RLBP1: variants seen among roughly 807,000 people sequenced by gnomAD.
RLBP1 encodes retinaldehyde binding protein 1.
Under a neutral mutation model 36.2 loss-of-function variants are expected in RLBP1, and 26 were observed. That is an observed-to-expected ratio of 0.72 (90% confidence interval 0.53 to 1.00). RLBP1 has a LOEUF of 1.00. Ranked by LOEUF, RLBP1 falls within the 50% of genes least tolerant of loss-of-function variation. RLBP1 has a pLI of 0.00. For missense variants in RLBP1, 410 were observed against 402.4 expected (o/e 1.02, Z -0.16); for synonymous variants, 155 against 156.2 (o/e 0.99, Z 0.06).
rs1276974393 is a variant in RLBP1 at position 89,212,534 on chromosome 15, G to A, written c.526-633C>T. Reference sequence around the variant, plus strand: ...TGAGAGGCAGAGGTTGCAGTGAGCCGAGATCACGCCACTGCTCTCCAACCT... The same window carrying A: ...TGAGAGGCAGAGGTTGCAGTGAGCCAAGATCACGCCACTGCTCTCCAACCT... On this transcript the variant is annotated intron_variant, in intron 6 of 8. Coordinates refer to ENST00000268125, the MANE Select transcript of RLBP1 (RefSeq NM_000326.5). Among the ~76,000 whole-genome samples, 8 of 147,856 alleles carry A rather than the reference G, an allele frequency of 5.4e-5. No homozygotes were observed. In the East Asian group the frequency reaches 6.1e-4, roughly 11 times the overall value.
At position 89,210,611 on chromosome 15, in the gene RLBP1, C is replaced by T; in HGVS notation, c.795+88G>A. 2.4e-6 allele frequency: 3 copies of T among 1,258,382 alleles called. No individual in the cohort carries two copies. Among genetic ancestry groups the T allele is most frequent in the Non-Finnish European group, 2.3e-6 (2 of 877,236 alleles). 78.0% of individuals were successfully genotyped at this position (1,258,382 alleles called of 1,614,324 possible). A position where few individuals can be genotyped will look rare whatever the true frequency, so the allele number is the denominator to read the frequency against. On this transcript the variant is annotated intron_variant, in intron 8 of 8. Transcript: ENST00000268125. This position sits in a 1 kb window ranked among gnomAD's most constrained non-coding sequence, Gnocchi z 4.7. ...GGGTGTCAGTGGGATCCACATAGCT[C>T]AGGACCATGGTAGAGTGTGAGGAGG...
rs1240713224 is a variant in RLBP1, at chr15:89,210,534, C to T, written c.796-91G>A. ...GGAAAGGGGCAGGAGGACAAAGCCCCATCATGTGCAGTCTTTGCCTGGCGA... is the reference window on the plus strand; with the variant it reads ...GGAAAGGGGCAGGAGGACAAAGCCCTATCATGTGCAGTCTTTGCCTGGCGA... On this transcript the variant is annotated intron_variant, in intron 8 of 8. Coordinates refer to ENST00000268125, the MANE Select transcript of RLBP1 (RefSeq NM_000326.5). The surrounding 1 kb of genome is among the most constrained non-coding windows in gnomAD (Gnocchi z 4.7). 10 of 1,462,712 alleles carry T rather than the reference C, an allele frequency of 6.8e-6. No homozygotes were observed. In the Admixed American group the frequency reaches 1.8e-4, roughly 26 times the overall value. 90.6% of individuals were successfully genotyped at this position (1,462,712 alleles called of 1,614,324 possible). A position where few individuals can be genotyped will look rare whatever the true frequency, so the allele number is the denominator to read the frequency against.
At position 89,212,621 on chromosome 15, in the gene RLBP1, T is replaced by TGC. The variant is rs761635267; in HGVS notation, c.526-722_526-721dup. Among the ~76,000 whole-genome samples the TGC allele has an allele frequency of 4.0e-3, 428 of 106,640 alleles. 4 individuals carry two copies. The East Asian group carries it at 0.052, about 13-fold the overall frequency. 70.0% of individuals were successfully genotyped at this position (106,640 alleles called of 152,430 possible). A position where few individuals can be genotyped will look rare whatever the true frequency, so the allele number is the denominator to read the frequency against. The stretch of plus-strand genomic sequence containing the variant: ...AAAAAAAGAAAAATGTGTGTGTGTG[T>TGC]GCGCGTGTGTGTGTGTGTGTATGTG... On this transcript the variant is annotated intron_variant, in intron 6 of 8. Transcript: ENST00000268125.
In RLBP1 at chr15:89,210,219, T is replaced by G; in HGVS notation, c.*66A>C. On this transcript the variant is annotated 3_prime_UTR_variant, in exon 9 of 9. Transcript: ENST00000268125. The surrounding 1 kb of genome is among the most constrained non-coding windows in gnomAD (Gnocchi z 4.7). ...ATCTCAAGCAGCCCTTTCCTAGCCT[T>G]GGGTCCAGGACAGTTGAGGAGAGGC... 1.3e-6 allele frequency: 2 copies of G among 1,580,252 alleles called. No homozygotes were observed. Among genetic ancestry groups the G allele is most frequent in the African/African-American group, 1.3e-5 (1 of 74,332 alleles).
chr15:89,213,709 G>C (rs28562344), intron 6 of RLBP1, among the ~76,000 whole-genome samples: 9,563 of 152,232 alleles, frequency 0.063, 1,009 homozygotes, highest in African/African-American at 0.22. Flanking sequence ...TCAAAAGTAG[G>C]CTTGAAGAAA....
Position 89,210,897 on chromosome 15 carries a change from T to A in RLBP1, c.685-88A>T. ...TTCCCTGCTGCCTCTCCTCATGGCA[T>A]AGAACAGACTTGTCCAGCATCACAG... On this transcript the variant is annotated intron_variant, in intron 7 of 8. Transcript: ENST00000268125. This position sits in a 1 kb window ranked among gnomAD's most constrained non-coding sequence, Gnocchi z 4.7. The A allele has an allele frequency of 2.3e-6, 2 of 878,740 alleles. No individual in the cohort carries two copies. The highest frequency in any genetic ancestry group is 3.7e-6 in the Non-Finnish European group (2 of 547,268). 54.4% of individuals were successfully genotyped at this position (878,740 alleles called of 1,614,324 possible).
intron 6 of RLBP1, 131 bp from the exon 7 acceptor site, chr15:89,212,032 C>A (rs1490216805): frequency 4.3e-6 from 4 of 929,384 alleles, no homozygotes; most frequent in Non-Finnish European, 6.8e-6. Context: ...CTCGGACATT[C>A]CACTTCTGTG....
At chr15:89,212,899 T>C (rs184744686) in intron 6 of RLBP1, among the ~76,000 whole-genome samples, 3 of 152,078 alleles carry the variant, frequency 2.0e-5, no homozygotes, top group Admixed American at 6.6e-5. Flanking sequence ...TGGCTAATTT[T>C]TGTATTTTTA....
Position 89,218,724 on chromosome 15 carries a change from C to A in RLBP1, c.13-31G>T. On this transcript the variant is annotated intron_variant, in intron 3 of 8. Transcript: ENST00000268125. The surrounding 1 kb of genome is among the most constrained non-coding windows in gnomAD (Gnocchi z 4.6). Reference sequence around the variant, plus strand: ...CAGAGAAAGGAAAAAGAGGAACAGCCAACCGCATCAGCCTGAGCCAGCCAG... The same window carrying A: ...CAGAGAAAGGAAAAAGAGGAACAGCAAACCGCATCAGCCTGAGCCAGCCAG... 1 of 1,612,584 alleles carries A rather than the reference C, an allele frequency of 6.2e-7. No individual in the cohort carries two copies. Among genetic ancestry groups the A allele is most frequent in the Non-Finnish European group, 8.5e-7 (1 of 1,180,028 alleles).
Position 89,218,754 on chromosome 15 carries a change from A to G in RLBP1, c.13-61T>C. On this transcript the variant is annotated intron_variant, in intron 3 of 8. Coordinates refer to ENST00000268125, the MANE Select transcript of RLBP1 (RefSeq NM_000326.5). The surrounding 1 kb of genome is among the most constrained non-coding windows in gnomAD (Gnocchi z 4.6). ...GCATCAGCCTGAGCCAGCCAGGGAA[A>G]TGGGCCTGCTCAGACCTTCAGTTCT... The G allele has an allele frequency of 6.2e-7, 1 of 1,609,794 alleles. No homozygotes were observed. Among genetic ancestry groups the G allele is most frequent in the Non-Finnish European group, 8.5e-7 (1 of 1,179,592 alleles).
chr15:89,211,907 G>C lies in RLBP1; in HGVS notation c.526-6C>G. The C allele has an allele frequency of 6.2e-7, 1 of 1,614,098 alleles. No individual in the cohort carries two copies. Among genetic ancestry groups the C allele is most frequent in the East Asian group, 2.2e-5 (1 of 44,878 alleles). The stretch of plus-strand genomic sequence containing the variant: ...AAGCAATATGCCTGCAAGATCTTGG[G>C]CACAGAGAGAACAGGCTGTAAGATC... On this transcript the variant is annotated splice_region_variant and splice_polypyrimidine_tract_variant and intron_variant, in intron 6 of 8. Transcript: ENST00000268125. The surrounding 1 kb of genome is among the most constrained non-coding windows in gnomAD (Gnocchi z 5.8).
chr15:89,210,334 G>C lies in RLBP1; in HGVS notation c.905C>G (p.Ala302Gly). 1 of 1,614,230 alleles carries C rather than the reference G, an allele frequency of 6.2e-7. No homozygotes were observed. Among genetic ancestry groups the C allele is most frequent in the Non-Finnish European group, 8.5e-7 (1 of 1,180,048 alleles). Reference sequence around the variant, plus strand: ...GGCCTGGGGGCCAAAGAGCTGCTCAGCAACGGCCTTGCCATCATACTTGGG... The same window carrying C: ...GGCCTGGGGGCCAAAGAGCTGCTCACCAACGGCCTTGCCATCATACTTGGG... ...TLPKYDGKAV[A>G]EQLFGPQAQA... The change falls in exon 9 of 9, where the codon GCT becomes GGT. Residue 302 changes from alanine to glycine, a missense_variant. By Grantham distance (60) the Ala-to-Gly change is moderately conservative. Transcript: ENST00000268125. The surrounding 1 kb of genome is among the most constrained non-coding windows in gnomAD (Gnocchi z 4.7).
In RLBP1 at chr15:89,210,075, A is replaced by G; in HGVS notation, c.*210T>C. 1.7e-6 allele frequency: 1 copy of G among 599,940 alleles called. No homozygotes were observed. The allele number at this position is 599,940 out of a possible 1,614,324, so 37.2% of individuals were successfully genotyped here. ...TTCAAGGGCAGGTGGAAATATAACT[A>G]TCCCCAGTTCTTCTTGTTCAAGGGA... is the stretch of plus-strand genomic sequence containing the variant. On this transcript the variant is annotated 3_prime_UTR_variant, in exon 9 of 9. Coordinates refer to ENST00000268125, the MANE Select transcript of RLBP1 (RefSeq NM_000326.5). The surrounding 1 kb of genome is among the most constrained non-coding windows in gnomAD (Gnocchi z 4.7).
In RLBP1 at chr15:89,214,941, A is replaced by G. The variant is rs1435281591; in HGVS notation, c.525+119T>C. 4.8e-5 allele frequency: 52 copies of G among 1,093,750 alleles called. No homozygotes were observed. The highest frequency in any genetic ancestry group is 7.2e-5 in the Non-Finnish European group (52 of 722,520). 67.8% of individuals were successfully genotyped at this position (1,093,750 alleles called of 1,614,324 possible). On this transcript the variant is annotated intron_variant, in intron 6 of 8. Coordinates refer to ENST00000268125, the MANE Select transcript of RLBP1 (RefSeq NM_000326.5). This position sits in a 1 kb window ranked among gnomAD's most constrained non-coding sequence, Gnocchi z 4.6. Reference sequence around the variant, plus strand: ...AGGGCTAGGTGGCAGGTGGCTGCCCACCTTTCCCCCTCTACAGACCTTGCC... The same window carrying G: ...AGGGCTAGGTGGCAGGTGGCTGCCCGCCTTTCCCCCTCTACAGACCTTGCC...
chr15:89,215,348 G>T, intron 5 of RLBP1, 110 bp from the exon 6 acceptor site: 1 of 1,036,930 alleles, frequency 9.6e-7, no homozygotes, highest in Non-Finnish European at 1.4e-6. Flanking sequence ...ATGTGTGACC[G>T]AGCTGGCTAC....
In RLBP1 at chr15:89,214,478, A is replaced by T. The variant is rs1267119595; in HGVS notation, c.525+582T>A. ...CTCCATCTCAAAAATAAATAAATAA[A>T]ATAAAATAAGTTTGTAGCAGTTTTT... On this transcript the variant is annotated intron_variant, in intron 6 of 8. Transcript: ENST00000268125. The surrounding 1 kb of genome is among the most constrained non-coding windows in gnomAD (Gnocchi z 4.6). Among the ~76,000 whole-genome samples the T allele has an allele frequency of 6.6e-6, 1 of 150,386 alleles. No homozygotes were observed. The highest frequency in any genetic ancestry group is 1.5e-5 in the Non-Finnish European group (1 of 67,736).
intron 5 of RLBP1, among the ~76,000 whole-genome samples, chr15:89,215,866 T>C (rs545332853): frequency 7.2e-5 from 11 of 152,314 alleles, no homozygotes; most frequent in Admixed American, 2.0e-4. Context: ...TCCCAACCCC[T>C]GGCCTTTGTC....
intron 2 of RLBP1, 45 bp from the exon 3 acceptor site, chr15:89,219,120 G>T: frequency 1.0e-6 from 1 of 953,276 alleles, no homozygotes; most frequent in Non-Finnish European, 1.7e-6. Context: ...TCAGAACTGT[G>T]GATCTCAAAC....
chr15:89,211,874 C>T lies in RLBP1; in HGVS notation c.553G>A (p.Glu185Lys). 6.2e-7 allele frequency: 1 copy of T among 1,614,158 alleles called. No individual in the cohort carries two copies. Among genetic ancestry groups the T allele is most frequent in the Non-Finnish European group, 8.5e-7 (1 of 1,180,030 alleles). The change falls in exon 7 of 9, where the codon GAG becomes AAG. Residue 185 changes from glutamate (E) to lysine (K), a missense_variant. By Grantham distance (56) the Glu-to-Lys change is moderately conservative. Transcript: ENST00000268125. The surrounding 1 kb of genome is among the most constrained non-coding windows in gnomAD (Gnocchi z 5.8). ...EILQAYCFIL[E>K]KLLENEETQI... ...GTTTCCTCATTCTCCAGCAGCTTCT[C>T]CAGGATGAAGCAATATGCCTGCAAG...
Sources: allele counts gnomAD v4.1 joint callset (sites outside exome capture counted in the v4.1 genomes callset), GRCh38; gene constraint gnomAD v4.1.1; non-coding constraint Gnocchi (gnomAD v3.1); transcripts MANE v1.5; gene names NCBI Gene and HGNC (gene_info 2026-07-23, HGNC 2026-07-21).